Variants in MTAP observed in about 807,000 individuals in gnomAD.
MTAP encodes the protein S-methyl-5'-thioadenosine phosphorylase.
A neutral mutation model predicts 33.6 loss-of-function variants in MTAP; 33 were observed. The observed-to-expected ratio is 0.98, with a 90% confidence interval of 0.74 to 1.31. The LOEUF (loss-of-function observed/expected upper bound fraction) is 1.31. Among genes scored for constraint, MTAP ranks in the 40% most tolerant of loss-of-function variants. The pLI, the probability that MTAP is intolerant of heterozygous loss-of-function variation, is 0.00. For missense variants in MTAP, 367 were observed against 360.0 expected (o/e 1.02, Z -0.16); for synonymous variants, 148 against 125.7 (o/e 1.18, Z -1.19).
At chr9:21,808,410 C>T (rs7033148) in intron 1 of MTAP, among the ~76,000 whole-genome samples, 1 of 145,496 alleles carries the variant, frequency 6.9e-6, no homozygotes, top group African/African-American at 2.5e-5. Flanking sequence ...CATGGTGAAA[C>T]CTCATCTCTG....
chr9:21,900,230 A>G (rs570969704), intron 1 of MTAP, among the ~76,000 whole-genome samples: 2 of 152,362 alleles, frequency 1.3e-5, no homozygotes, highest in South Asian at 4.1e-4. Flanking sequence ...AACTATAAAC[A>G]GATTAAACAG....
At chr9:21,896,078 A>G (rs1289110474) in intron 1 of MTAP, among the ~76,000 whole-genome samples, 1 of 152,232 alleles carries the variant, frequency 6.6e-6, no homozygotes, top group African/African-American at 2.4e-5. Flanking sequence ...ACCACAGTGC[A>G]ATCAAACTAG....
Position 21,915,000 on chromosome 9 carries a change from T to TCTCCTTCCTTCCTTCCTTCCTTCC in MTAP, c.148-16008_148-16007insCTCCTTCCTTCCTTCCTTCCTTCC, listed in dbSNP as rs1818653401. 3.6e-5 allele frequency among the ~76,000 whole-genome samples: 3 copies of TCTCCTTCCTTCCTTCCTTCCTTCC among 83,738 alleles called. 1 individual carries two copies. Among genetic ancestry groups the TCTCCTTCCTTCCTTCCTTCCTTCC allele is most frequent in the African/African-American group, 1.7e-4 (3 of 17,420 alleles). 54.9% of individuals were successfully genotyped at this position (83,738 alleles called of 152,430 possible). A position where few individuals can be genotyped will look rare whatever the true frequency, so the allele number is the denominator to read the frequency against. On this transcript the variant is annotated intron_variant, in intron 1 of 1. Coordinates refer to the MTAP transcript ENST00000577563. ...TAGCACATATCAATACTTTGTTTTC[T>TCTCCTTCCTTCCTTCCTTCCTTCC]TTCCTTCCTTCCTTCCTTCCTTCCT...
chr9:21,905,723 A>T (rs942818397), intron 1 of MTAP, among the ~76,000 whole-genome samples: 4 of 152,168 alleles, frequency 2.6e-5, no homozygotes, highest in African/African-American at 9.7e-5. Context: ...AGGAATCAAG[A>T]TTTGGGTTAT....
At chr9:21,818,582 C>G (rs1439050111) in intron 4 of MTAP, among the ~76,000 whole-genome samples, 1 of 152,110 alleles carries the variant, frequency 6.6e-6, no homozygotes, top group Admixed American at 6.5e-5. Context: ...CCTCCCAAAG[C>G]GCAAAGTGCT....
chr9:21,909,101 C>A (rs149291391), intron 1 of MTAP, among the ~76,000 whole-genome samples: 90 of 152,120 alleles, frequency 5.9e-4, no homozygotes, highest in Middle Eastern at 3.4e-3. Context: ...TTTTGAGGCT[C>A]CTTCTTTCAT....
At chr9:21,875,279 G>C (rs999222465) in intron 1 of MTAP, among the ~76,000 whole-genome samples, 5 of 151,958 alleles carry the variant, frequency 3.3e-5, no homozygotes, top group African/African-American at 1.2e-4. Context: ...ACTTTTTAAT[G>C]ATCGCCATTC....
chr9:21,923,159 C>T (rs1237786317), intron 1 of MTAP, among the ~76,000 whole-genome samples: 1 of 152,164 alleles, frequency 6.6e-6, no homozygotes, highest in Non-Finnish European at 1.5e-5. Flanking sequence ...TGTACAGCAG[C>T]AGAGAAACAG....
chr9:21,824,483 C>G (rs570738943), intron 4 of MTAP, among the ~76,000 whole-genome samples: 1 of 152,256 alleles, frequency 6.6e-6, no homozygotes, highest in African/African-American at 2.4e-5. Context: ...AGAGGGGTAC[C>G]CAGCCGTGTG....
intron 5 of MTAP, among the ~76,000 whole-genome samples, chr9:21,853,847 G>C (rs1825572396): frequency 6.6e-6 from 1 of 152,130 alleles, no homozygotes; most frequent in Admixed American, 6.5e-5. Context: ...CAGTGCTTCA[G>C]TAAGTTAACA....
downstream of MTAP, chr9:21,935,371 G>A (rs1372120551): frequency 2.0e-5 from 3 of 151,592 alleles, no homozygotes; most frequent in South Asian, 2.1e-4. Context: ...TGGGAGACAC[G>A]TCTTCAAGTT....
intron 1 of MTAP, among the ~76,000 whole-genome samples, chr9:21,912,499 A>G (rs768917606): frequency 3.9e-4 from 60 of 152,202 alleles, no homozygotes; most frequent in Non-Finnish European, 6.8e-4. Flanking sequence ...AATAAACGTA[A>G]TCCACCATAT....
downstream of MTAP, among the ~76,000 whole-genome samples, chr9:21,938,557 T>C (rs1242574654): frequency 1.2e-4 from 19 of 152,198 alleles, no homozygotes; most frequent in Non-Finnish European, 1.6e-4. Context: ...TTCATGTAAG[T>C]TTTCCAGATG....
At chr9:21,934,352 A>G (rs1389233007), downstream of MTAP, 1 of 152,248 alleles carries the variant, frequency 6.6e-6, no homozygotes, top group Admixed American at 6.5e-5. This position sits in a 1 kb window ranked among gnomAD's most constrained non-coding sequence, Gnocchi z 5.0. Context: ...TCAAATATAG[A>G]AGTACGGAGT....
chr9:21,900,238 C>G (rs1818368707), intron 1 of MTAP, among the ~76,000 whole-genome samples: 1 of 152,134 alleles, frequency 6.6e-6, no homozygotes, highest in Non-Finnish European at 1.5e-5. Context: ...ACAGATTAAA[C>G]AGACAACCTA....
At chr9:21,883,326 A>G (rs1160908560) in intron 1 of MTAP, among the ~76,000 whole-genome samples, 2 of 152,130 alleles carry the variant, frequency 1.3e-5, no homozygotes, top group African/African-American at 2.4e-5. Flanking sequence ...AAACACCACA[A>G]TGAGATACCT....
intron 4 of MTAP, among the ~76,000 whole-genome samples, chr9:21,818,412 C>T (rs1824541782): frequency 6.7e-6 from 1 of 149,778 alleles, no homozygotes; most frequent in Admixed American, 6.7e-5. Flanking sequence ...ACTGAAACCT[C>T]CGCCTCCCAG....
intron 3 of MTAP, 92 bp from the exon 4 acceptor site, chr9:21,817,943 C>T (rs1457543665): frequency 6.3e-6 from 8 of 1,268,096 alleles, no homozygotes; most frequent in Non-Finnish European, 8.5e-6. Flanking sequence ...GTGGTCATTG[C>T]TAGAGAATCA....
At chr9:21,932,079 A>T (rs1029086200), downstream of MTAP, 16 of 152,206 alleles carry the variant, frequency 1.1e-4, no homozygotes, top group African/African-American at 3.6e-4. Context: ...TAATGGAACT[A>T]AAAATGTACG....
Sources: gnomAD v4.1 joint callset for allele counts (sites outside exome capture counted in the v4.1 genomes callset) on GRCh38, gnomAD v4.1.1 for gene constraint, Gnocchi (gnomAD v3.1) non-coding constraint, MANE v1.5 for transcripts, NCBI Gene and HGNC (gene_info 2026-07-23, HGNC 2026-07-21) for gene names.